SIL1: variants seen among roughly 807,000 people sequenced by gnomAD.
SIL1 encodes the protein nucleotide exchange factor SIL1.
SIL1 carries 40 observed loss-of-function variants against 49.1 expected under a neutral mutation model. The observed-to-expected ratio is 0.81, with a 90% CI of 0.63 to 1.06. The LOEUF (loss-of-function observed/expected upper bound fraction) is 1.06, where lower values mean the gene tolerates loss of function less well. Among genes scored for constraint, SIL1 ranks in the 50% least tolerant of loss-of-function variants. SIL1 has a pLI of 0.00. For missense variants in SIL1, 500 were observed against 572.6 expected, an observed-to-expected ratio of 0.87 and a Z score of 1.29; for synonymous variants, 253 against 250.8, an observed-to-expected ratio of 1.01 and a Z score of -0.08.
At chr5:139,166,632 G>C (rs568644679) in intron 1 of SIL1, among the ~76,000 whole-genome samples, 2 of 152,186 alleles carry the variant, frequency 1.3e-5, no homozygotes, top group African/African-American at 2.4e-5. Context: ...ATTACAGCCT[G>C]GGCAAGGAGT....
intron 1 of SIL1, among the ~76,000 whole-genome samples, chr5:139,132,219 A>G (rs1413713257): frequency 1.3e-5 from 2 of 152,172 alleles, no homozygotes; most frequent in Admixed American, 1.3e-4. Flanking sequence ...GAGGCCCAGA[A>G]GGGACTGAGG....
chr5:139,069,119 C>A (rs1769772107), intron 3 of SIL1, among the ~76,000 whole-genome samples: 1 of 151,992 alleles, frequency 6.6e-6, no homozygotes, highest in Admixed American at 6.6e-5. Context: ...AAGACCTCAT[C>A]TTTACTAAAA....
chr5:138,996,512 G>GTT (rs1160752689), intron 7 of SIL1, among the ~76,000 whole-genome samples: 1 of 134,816 alleles, frequency 7.4e-6, no homozygotes, highest in African/African-American at 3.0e-5. Context: ...TTGCTGTGCA[G>GTT]ATTTTTTTTT....
intron 1 of SIL1, among the ~76,000 whole-genome samples, chr5:139,160,143 T>TTACA (rs373584010): frequency 3.6e-4 from 50 of 137,866 alleles, no homozygotes; most frequent in African/African-American, 1.3e-3. Flanking sequence ...ATTTCCACAA[T>TTACA]CACACACACA....
chr5:139,190,997 C>G (rs996025652), intron 1 of SIL1, among the ~76,000 whole-genome samples: 1 of 151,892 alleles, frequency 6.6e-6, no homozygotes, highest in African/African-American at 2.4e-5. Context: ...TTTGGGAGAC[C>G]GGGGTGAGCA....
At chr5:139,119,747 C>A (rs997970461) in intron 3 of SIL1, among the ~76,000 whole-genome samples, 3 of 152,134 alleles carry the variant, frequency 2.0e-5, no homozygotes, top group Non-Finnish European at 4.4e-5. Context: ...GGTGACAGAG[C>A]AAGACCCTGT....
intron 7 of SIL1, among the ~76,000 whole-genome samples, chr5:138,996,406 A>C (rs1488145040): frequency 6.8e-6 from 1 of 146,126 alleles, no homozygotes; most frequent in Non-Finnish European, 1.5e-5. Context: ...TGAGCCCCTT[A>C]TATTTTCTGT....
At chr5:139,044,891 T>G (rs1372553995) in intron 4 of SIL1, among the ~76,000 whole-genome samples, 1 of 152,202 alleles carries the variant, frequency 6.6e-6, no homozygotes, top group Non-Finnish European at 1.5e-5. Flanking sequence ...CCCAGCTTTT[T>G]TATTCCTATT....
intron 7 of SIL1, among the ~76,000 whole-genome samples, chr5:138,985,433 CA>C (rs1188228336): frequency 3.9e-5 from 6 of 152,304 alleles, no homozygotes; most frequent in South Asian, 2.1e-4. Context: ...TGACTCACGG[CA>C]GCTCAAAATG....
At chr5:138,970,500 A>G (rs1051881738) in intron 7 of SIL1, among the ~76,000 whole-genome samples, 1 of 152,180 alleles carries the variant, frequency 6.6e-6, no homozygotes, top group African/African-American at 2.4e-5. Context: ...TTCCTCATCT[A>G]TGGAAAAGAG....
At chr5:138,986,936 G>A (rs1286973055) in intron 7 of SIL1, among the ~76,000 whole-genome samples, 2 of 151,958 alleles carry the variant, frequency 1.3e-5, no homozygotes, top group South Asian at 4.1e-4. Context: ...AGCTTCTCAG[G>A]AGAATCAGAA....
intron 1 of SIL1, among the ~76,000 whole-genome samples, chr5:139,129,735 A>G (rs1237786661): frequency 6.6e-6 from 1 of 152,232 alleles, no homozygotes; most frequent in African/African-American, 2.4e-5. Context: ...CTAACTAGAA[A>G]TGAATCAAAG....
chr5:139,130,450 T>C (rs1226958763), intron 1 of SIL1, among the ~76,000 whole-genome samples: 8 of 152,170 alleles, frequency 5.3e-5, no homozygotes, highest in Admixed American at 5.2e-4. Flanking sequence ...CCCACAATGA[T>C]GGCTGTAATT....
At chr5:138,965,934 T>C (rs1767129261) in intron 7 of SIL1, among the ~76,000 whole-genome samples, 1 of 151,998 alleles carries the variant, frequency 6.6e-6, no homozygotes, top group African/African-American at 2.4e-5. Context: ...ATGTTCTGTT[T>C]ATGCCTCTTG....
At chr5:139,135,709 CA>C (rs34039650) in intron 1 of SIL1, among the ~76,000 whole-genome samples, 34,433 of 96,254 alleles carry the variant, frequency 0.36, 4,666 homozygotes, top group Middle Eastern at 0.45. Context: ...AACAAACTAG[CA>C]AAAAAAAAAA....
chr5:138,990,945 G>A (rs1262353246), intron 7 of SIL1, among the ~76,000 whole-genome samples: 1 of 152,200 alleles, frequency 6.6e-6, no homozygotes, highest in East Asian at 1.9e-4. Context: ...CAAACTCCCA[G>A]CCTCAGGTGA....
intron 1 of SIL1, among the ~76,000 whole-genome samples, chr5:139,139,139 G>C (rs2151800559): frequency 6.6e-6 from 1 of 152,322 alleles, no homozygotes; most frequent in African/African-American, 2.4e-5. Flanking sequence ...GACCACTGTA[G>C]ACAGATGCAG....
chr5:139,152,640 GAA>G (rs796205706), intron 1 of SIL1, among the ~76,000 whole-genome samples: 3 of 136,270 alleles, frequency 2.2e-5, no homozygotes, highest in African/African-American at 8.1e-5. Flanking sequence ...AAAAAGAAAA[GAA>G]AAAAAAAAAG....
intron 2 of SIL1, 106 bp from the exon 3 acceptor site, chr5:139,121,279 C>A: frequency 6.8e-7 from 1 of 1,478,158 alleles, no homozygotes; most frequent in Non-Finnish European, 9.4e-7. Context: ...CCCCTCTCCC[C>A]CACAGCCTGA....
Sources: gnomAD v4.1 joint callset for allele counts (sites outside exome capture counted in the v4.1 genomes callset) on GRCh38, gnomAD v4.1.1 for gene constraint, MANE v1.5 for transcripts, NCBI Gene and HGNC (gene_info 2026-07-23, HGNC 2026-07-21) for gene names.